MAGI1: variants seen among roughly 807,000 people sequenced by gnomAD.
MAGI1 encodes the protein membrane-associated guanylate kinase, WW and PDZ domain-containing protein 1.
MAGI1 carries 58 observed loss-of-function variants against 139.9 expected under a neutral mutation model. The ratio of observed to expected loss-of-function variants is 0.41; its 90% CI spans 0.34 to 0.52. MAGI1 has a LOEUF of 0.52. Among genes scored for constraint, MAGI1 ranks in the 20% least tolerant of loss-of-function variants. MAGI1 has a pLI of 0.12. For synonymous variants in MAGI1, 812 were observed against 737.9 expected, an observed-to-expected ratio of 1.10 and a Z score of -1.63; for missense variants, 1,874 against 1,901.6, an observed-to-expected ratio of 0.99 and a Z score of 0.27.
At chr3:65,733,625 A>G (rs1379405650) in intron 1 of MAGI1, among the ~76,000 whole-genome samples, 1 of 152,210 alleles carries the variant, frequency 6.6e-6, no homozygotes, top group Admixed American at 6.5e-5. Context: ...GTTTATAGGG[A>G]CAGATGTAGC....
intron 2 of MAGI1, among the ~76,000 whole-genome samples, chr3:65,536,308 A>G (rs1428375427): frequency 6.6e-6 from 1 of 152,170 alleles, no homozygotes; most frequent in Non-Finnish European, 1.5e-5. Context: ...AGAACTTCCC[A>G]TATCGGAAGG....
intron 6 of MAGI1, among the ~76,000 whole-genome samples, chr3:65,448,885 C>A (rs1217897294): frequency 6.6e-6 from 1 of 152,066 alleles, no homozygotes. Context: ...GGAGAACACA[C>A]AAAAATCATT....
At chr3:65,855,847 T>C (rs1463379002) in intron 1 of MAGI1, among the ~76,000 whole-genome samples, 1 of 151,632 alleles carries the variant, frequency 6.6e-6, no homozygotes, top group African/African-American at 2.4e-5. Context: ...CCTTCATTCA[T>C]GTGTATCCAC....
Position 65,969,018 on chromosome 3 carries a change from T to A in MAGI1, c.313+68978A>T, listed in dbSNP as rs985983954. ...AAAAGAAGGACTACGTAATTTGCTG[T>A]ATTAGGAACATTTAGCAAAAGGCTA... On this transcript the variant is annotated intron_variant, in intron 1 of 22. Transcript: ENST00000402939. 2.0e-5 allele frequency among the ~76,000 whole-genome samples: 3 copies of A among 152,320 alleles called. 1 individual carries two copies.
intron 2 of MAGI1, among the ~76,000 whole-genome samples, chr3:65,497,656 T>C (rs1952550336): frequency 6.6e-6 from 1 of 152,190 alleles, no homozygotes; most frequent in South Asian, 2.1e-4. Flanking sequence ...ACAATGTTGA[T>C]TTTTTTCTCC....
chr3:65,993,315 C>A (rs1428602545), intron 1 of MAGI1, among the ~76,000 whole-genome samples: 1 of 152,178 alleles, frequency 6.6e-6, no homozygotes, highest in Non-Finnish European at 1.5e-5. Flanking sequence ...TAAAATGACA[C>A]CTCTGCCTCA....
chr3:65,395,904 G>C (rs989612427), intron 13 of MAGI1, among the ~76,000 whole-genome samples: 3 of 152,002 alleles, frequency 2.0e-5, no homozygotes. Context: ...GATTGGTGGG[G>C]AAGAGGAGTG....
chr3:65,355,277 C>T lies in MAGI1; in HGVS notation c.*1101G>A, dbSNP rs1022890065. On this transcript the variant is annotated 3_prime_UTR_variant, in exon 23 of 23. Coordinates refer to ENST00000402939, the MANE Select transcript of MAGI1 (RefSeq NM_001033057.2). The stretch of plus-strand genomic sequence containing the variant: ...CTTCCTTCCTTTCCCTTCTACCAAC[C>T]TAGAGACTTGGACTATGGTTTCAAA... 3 of 152,206 alleles carry T rather than the reference C, an allele frequency of 2.0e-5. No individual in the cohort carries two copies. The highest frequency in any genetic ancestry group is 1.3e-4 in the Admixed American group (2 of 15,272). 9.4% of individuals were successfully genotyped at this position (152,206 alleles called of 1,614,324 possible).
At chr3:65,672,401 C>T (rs974503784) in intron 1 of MAGI1, among the ~76,000 whole-genome samples, 2 of 152,102 alleles carry the variant, frequency 1.3e-5, no homozygotes, top group Admixed American at 1.3e-4. Flanking sequence ...GATGATAAAT[C>T]GCTGACAAAG....
chr3:65,653,713 G>T (rs1482123371), intron 1 of MAGI1, among the ~76,000 whole-genome samples: 1 of 152,180 alleles, frequency 6.6e-6, no homozygotes, highest in Non-Finnish European at 1.5e-5. Context: ...CTAAGGCAGT[G>T]AAAGGGAGTT....
At chr3:65,587,185 T>A (rs1412698280) in intron 2 of MAGI1, among the ~76,000 whole-genome samples, 1 of 152,194 alleles carries the variant, frequency 6.6e-6, no homozygotes, top group East Asian at 1.9e-4. Flanking sequence ...TCGACTCACT[T>A]TGGAGTTATG....
At chr3:65,495,757 T>A (rs945309785) in intron 2 of MAGI1, among the ~76,000 whole-genome samples, 1 of 152,124 alleles carries the variant, frequency 6.6e-6, no homozygotes, top group South Asian at 2.1e-4. Context: ...AGGGAAGCTA[T>A]ATTAGCTAGG....
At chr3:65,750,232 A>G (rs1478461767) in intron 1 of MAGI1, among the ~76,000 whole-genome samples, 1 of 152,170 alleles carries the variant, frequency 6.6e-6, no homozygotes, top group Non-Finnish European at 1.5e-5. Context: ...GTGCTGATGG[A>G]GGGCAGGAAC....
Position 65,660,573 on chromosome 3 carries a change from T to A in MAGI1, c.314-38485A>T, listed in dbSNP as rs531329003. ...TCAACGCATTCAATGCAAACAAAGA[T>A]TATTATTGTCTTCTGGAAAAGTTTC... On this transcript the variant is annotated intron_variant, in intron 1 of 22. Transcript: ENST00000402939. 2.5e-4 allele frequency among the ~76,000 whole-genome samples: 38 copies of A among 152,320 alleles called. No individual in the cohort carries two copies. In the South Asian group the frequency reaches 7.5e-3, roughly 30 times the overall value.
chr3:65,418,876 C>G (rs1451914637), intron 12 of MAGI1, among the ~76,000 whole-genome samples: 1 of 152,202 alleles, frequency 6.6e-6, no homozygotes, highest in Non-Finnish European at 1.5e-5. Context: ...GGACGTTATG[C>G]CACAGGCAGT....
chr3:65,818,252 T>C (rs1427584131), intron 1 of MAGI1, among the ~76,000 whole-genome samples: 3 of 152,188 alleles, frequency 2.0e-5, no homozygotes, highest in African/African-American at 7.2e-5. Flanking sequence ...GCTATTTTGG[T>C]TAGTTTCTAT....
chr3:65,945,287 G>C (rs150681818), intron 1 of MAGI1, among the ~76,000 whole-genome samples: 1 of 152,188 alleles, frequency 6.6e-6, no homozygotes, highest in East Asian at 1.9e-4. Flanking sequence ...CTCGTGTCAT[G>C]AGGGTTTGAT....
intron 2 of MAGI1, among the ~76,000 whole-genome samples, chr3:65,570,073 CATTATTATTATTATTATTATT>C (rs57902043): frequency 9.5e-5 from 13 of 136,360 alleles, no homozygotes; most frequent in South Asian, 5.0e-4. Context: ...TCTTTATTAT[CATTATTATTATTATTATTATT>C]ATTATTATTA....
At chr3:65,564,704 A>G (rs1030635069) in intron 2 of MAGI1, among the ~76,000 whole-genome samples, 2 of 152,226 alleles carry the variant, frequency 1.3e-5, no homozygotes, top group Non-Finnish European at 2.9e-5. Flanking sequence ...ATTTGTGTGC[A>G]TTCCGATGTC....
Sources: allele counts gnomAD v4.1 joint callset (sites outside exome capture counted in the v4.1 genomes callset), GRCh38; gene constraint gnomAD v4.1.1; transcripts MANE v1.5; gene names NCBI Gene and HGNC (gene_info 2026-07-23, HGNC 2026-07-21).